FBXO34: variants seen among roughly 807,000 people sequenced by gnomAD.
FBXO34 encodes the protein F-box only protein 34.
In FBXO34, 12 loss-of-function variants were observed where a neutral mutation model predicts 24.5. That is an observed-to-expected ratio of 0.49 (90% CI 0.31 to 0.79). The LOEUF is 0.79. FBXO34 is among the 30% of genes least tolerant of loss of function. FBXO34 has a pLI of 0.04. For missense variants in FBXO34, 823 were observed against 857.7 expected, an observed-to-expected ratio of 0.96 and a Z score of 0.51; for synonymous variants, 320 against 311.9, an observed-to-expected ratio of 1.03 and a Z score of -0.27.
intron 1 of FBXO34, chr14:55,272,255 C>G (rs1881177566): frequency 6.6e-6 from 1 of 152,218 alleles, no homozygotes; most frequent in Non-Finnish European, 1.5e-5. Flanking sequence ...CTTGGAATCG[C>G]AGTGGATTTG....
intron 1 of FBXO34, among the ~76,000 whole-genome samples, chr14:55,337,878 C>T (rs924601006): frequency 6.6e-6 from 1 of 151,988 alleles, no homozygotes; most frequent in Admixed American, 6.6e-5. Flanking sequence ...ATGGGCCCTT[C>T]AGAATCTCCT....
chr14:55,387,710 C>T, the FBXO34 span, among the ~76,000 whole-genome samples: 1 of 152,202 alleles, frequency 6.6e-6, no homozygotes, highest in East Asian at 1.9e-4. Flanking sequence ...GCTCTTGTTG[C>T]CCAGGCTGGA....
At chr14:55,371,167 A>G (rs906955376), downstream of FBXO34, among the ~76,000 whole-genome samples, 4 of 152,166 alleles carry the variant, frequency 2.6e-5, no homozygotes, top group African/African-American at 9.7e-5. Flanking sequence ...ACTGATAACG[A>G]CTTTGGGGAA....
the FBXO34 span, among the ~76,000 whole-genome samples, chr14:55,377,428 G>C: frequency 2.1e-4 from 32 of 152,238 alleles, no homozygotes; most frequent in African/African-American, 7.5e-4. Context: ...AAACAGGGCA[G>C]ACACTAGGTA....
the FBXO34 span, among the ~76,000 whole-genome samples, chr14:55,429,403 C>G: frequency 6.6e-6 from 1 of 152,200 alleles, no homozygotes; most frequent in Non-Finnish European, 1.5e-5. Context: ...AACAAGCCCT[C>G]TAGGTAACTG....
At position 55,350,617 on chromosome 14, in the gene FBXO34, A is replaced by G. The variant is rs1347731975; in HGVS notation, c.227A>G (p.Lys76Arg). The change falls in exon 2 of 2, where the codon AAG (lysine) becomes AGG (arginine). Residue 76 changes from lysine (K) to arginine (R), a missense_variant. By Grantham distance (26) the Lys-to-Arg change is conservative. This residue lies in a region of FBXO34 where 693 missense variants were observed against 659.1 expected (regional missense o/e 1.05). Transcript: ENST00000313833. ...AATGTTCTGTGCAGTATGAGTGGGA[A>G]GAGTCCTGTAGAGAGCAGCTTGAAT... ...SPNVLCSMSG[K>R]SPVESSLNVK... 1 of 1,612,422 alleles carries G rather than the reference A, an allele frequency of 6.2e-7. No individual in the cohort carries two copies. Among genetic ancestry groups the G allele is most frequent in the Admixed American group, 1.7e-5 (1 of 59,478 alleles).
the FBXO34 span, among the ~76,000 whole-genome samples, chr14:55,391,880 A>G: frequency 1.2e-3 from 182 of 152,332 alleles, 1 homozygote; most frequent in African/African-American, 4.2e-3. Context: ...GGCAAAAAAC[A>G]TTATTTTTTC....
At chr14:55,435,999 C>T in the FBXO34 span, 1 of 955,910 alleles carries the variant, frequency 1.0e-6, no homozygotes, top group Non-Finnish European at 1.5e-6. Flanking sequence ...AAAAAGACAA[C>T]TTATTTTCTC....
At chr14:55,377,762 A>G in the FBXO34 span, 1 of 1,307,244 alleles carries the variant, frequency 7.6e-7, no homozygotes, top group Non-Finnish European at 1.1e-6. Flanking sequence ...CCAACATACA[A>G]CTCCTCTAAC....
chr14:55,401,659 T>C, the FBXO34 span, among the ~76,000 whole-genome samples: 1 of 152,204 alleles, frequency 6.6e-6, no homozygotes, highest in Admixed American at 6.5e-5. Context: ...TTTTTTTTTC[T>C]GTTAAAAAAA....
At chr14:55,411,282 G>T in the FBXO34 span, among the ~76,000 whole-genome samples, 1 of 152,216 alleles carries the variant, frequency 6.6e-6, no homozygotes, top group Non-Finnish European at 1.5e-5. Context: ...AAAGAGCTGG[G>T]AATCTAACTT....
At chr14:55,428,711 A>C in the FBXO34 span, 99 of 1,323,894 alleles carry the variant, frequency 7.5e-5, no homozygotes, top group Non-Finnish European at 9.4e-5. Flanking sequence ...TTTTTTTTTA[A>C]TCACAATTTC....
At chr14:55,422,462 G>T in the FBXO34 span, among the ~76,000 whole-genome samples, 1 of 152,072 alleles carries the variant, frequency 6.6e-6, no homozygotes, top group Non-Finnish European at 1.5e-5. Flanking sequence ...TGTTGGCCAG[G>T]CTCATCTTGA....
intron 1 of FBXO34, among the ~76,000 whole-genome samples, chr14:55,277,962 A>G (rs1391175932): frequency 2.0e-5 from 3 of 152,212 alleles, no homozygotes; most frequent in African/African-American, 7.2e-5. Flanking sequence ...TCAACAGATT[A>G]GTCTGAACTT....
the FBXO34 span, among the ~76,000 whole-genome samples, chr14:55,427,025 T>C: frequency 6.6e-6 from 1 of 152,188 alleles, no homozygotes; most frequent in African/African-American, 2.4e-5. Context: ...CGGGCAGAGC[T>C]CTTGCAGATG....
At chr14:55,437,464 C>T in the FBXO34 span, among the ~76,000 whole-genome samples, 9 of 152,136 alleles carry the variant, frequency 5.9e-5, no homozygotes, top group African/African-American at 1.2e-4. Flanking sequence ...GGTATCAGAG[C>T]GAGACTCCAT....
chr14:55,292,494 G>A (rs1225699243), intron 1 of FBXO34, among the ~76,000 whole-genome samples: 1 of 151,988 alleles, frequency 6.6e-6, no homozygotes, highest in African/African-American at 2.4e-5. Context: ...AGAGTATCTG[G>A]GACTACAGGC....
chr14:55,398,313 T>A, the FBXO34 span, among the ~76,000 whole-genome samples: 2 of 152,110 alleles, frequency 1.3e-5, no homozygotes, highest in Admixed American at 1.3e-4. Context: ...CTTACTTGGG[T>A]TTTTTGTTTT....
intron 1 of FBXO34, among the ~76,000 whole-genome samples, chr14:55,328,431 C>G (rs567507103): frequency 6.6e-6 from 1 of 152,126 alleles, no homozygotes; most frequent in African/African-American, 2.4e-5. Flanking sequence ...TAGAGCTGAT[C>G]CCTAGAGATA....
Sources: gnomAD v4.1 joint callset for allele counts (sites outside exome capture counted in the v4.1 genomes callset) on GRCh38, gnomAD v4.1.1 for gene constraint, gnomAD v4.1.1 regional missense constraint, MANE v1.5 for transcripts, NCBI Gene and HGNC (gene_info 2026-07-23, HGNC 2026-07-21) for gene names.